Variants in DPYSL2 observed in about 807,000 individuals in gnomAD.
The protein encoded by DPYSL2 is dihydropyrimidinase-related protein 2.
In DPYSL2, 13 loss-of-function variants were observed where a neutral mutation model predicts 69.9. The observed-to-expected ratio is 0.19, with a 90% CI of 0.12 to 0.30. The LOEUF is 0.30. Ranked by LOEUF, DPYSL2 falls within the 10% of genes least tolerant of loss-of-function variation. The probability of loss-of-function intolerance (pLI) is 1.00; values close to 1 mark genes in which losing one functional copy is unlikely to be tolerated. For missense variants in DPYSL2, 587 were observed against 918.9 expected (o/e 0.64, Z 4.67); for synonymous variants, 326 against 359.1 (o/e 0.91, Z 1.04).
At chr8:26,630,079 G>C (rs1802729739) in intron 7 of DPYSL2, among the ~76,000 whole-genome samples, 1 of 152,236 alleles carries the variant, frequency 6.6e-6, no homozygotes, top group Non-Finnish European at 1.5e-5. Context: ...ACGCACATAT[G>C]TGTTGTACCC....
chr8:26,633,577 C>T (rs1321690038), intron 7 of DPYSL2, among the ~76,000 whole-genome samples: 10 of 152,200 alleles, frequency 6.6e-5, no homozygotes, highest in Non-Finnish European at 1.2e-4. Context: ...CAGCGATTCT[C>T]CTGCCTCAGC....
rs1802305964 is a variant in DPYSL2 at position 26,614,572 on chromosome 8, T to TA, written c.629-9568dup. Among the ~76,000 whole-genome samples, 1 of 152,168 alleles carries TA rather than the reference T, an allele frequency of 6.6e-6. No homozygotes were observed. Among genetic ancestry groups the TA allele is most frequent in the Non-Finnish European group, 1.5e-5 (1 of 68,022 alleles). ...AAAGTTGGCCGATCACCAGATCACTTAAAGGAGGTTGTTTGTTTTATAAGC... is the reference window on the plus strand; with the variant it reads ...AAAGTTGGCCGATCACCAGATCACTTAAAAGGAGGTTGTTTGTTTTATAAGC... On this transcript the variant is annotated intron_variant, in intron 3 of 13. Coordinates refer to ENST00000521913, the MANE Select transcript of DPYSL2 (RefSeq NM_001197293.3). This position sits in a 1 kb window ranked among gnomAD's most constrained non-coding sequence, Gnocchi z 4.9.
At position 26,627,182 on chromosome 8, in the gene DPYSL2, C is replaced by T. The variant is rs1257982957; in HGVS notation, c.856-33C>T. 4 of 1,601,012 alleles carry T rather than the reference C, an allele frequency of 2.5e-6. No individual in the cohort carries two copies. In the South Asian group the frequency reaches 3.3e-5, roughly 13 times the overall value. ...TTTGTGAACAGGAAGATGGAAGTCC[C>T]TGTCTCTGATCCCACCCTTGTCTCT... On this transcript the variant is annotated intron_variant, in intron 5 of 13. Transcript: ENST00000521913. This position sits in a 1 kb window ranked among gnomAD's most constrained non-coding sequence, Gnocchi z 6.9.
chr8:26,650,682 G>C lies in DPYSL2; in HGVS notation c.1597-1575G>C, dbSNP rs964663577. 4.3e-4 allele frequency among the ~76,000 whole-genome samples: 65 copies of C among 152,322 alleles called. No homozygotes were observed. The highest frequency in any genetic ancestry group is 1.5e-3 in the African/African-American group (63 of 41,580). ...GTCTCATAGGAGACTGGGCCACCAA[G>C]GGCCAGCGTGTGCTTATTATGGCAT... On this transcript the variant is annotated intron_variant, in intron 11 of 13. Transcript: ENST00000521913. The surrounding 1 kb of genome is among the most constrained non-coding windows in gnomAD (Gnocchi z 5.3).
At chr8:26,633,171 A>G (rs1217965051) in intron 7 of DPYSL2, among the ~76,000 whole-genome samples, 1 of 152,216 alleles carries the variant, frequency 6.6e-6, no homozygotes, top group African/African-American at 2.4e-5. Context: ...AACATTTTTG[A>G]GCACCTGCTG....
At chr8:26,518,656 C>G (rs1808333622) in intron 1 of DPYSL2, among the ~76,000 whole-genome samples, 1 of 152,124 alleles carries the variant, frequency 6.6e-6, no homozygotes, top group Non-Finnish European at 1.5e-5. Flanking sequence ...CTGTCTCTGC[C>G]AGCTTGACTA....
rs1803252090 is a variant in DPYSL2, at chr8:26,650,130, A to T, written c.1597-2127A>T. 6.6e-6 allele frequency among the ~76,000 whole-genome samples: 1 copy of T among 152,232 alleles called. No homozygotes were observed. The highest frequency in any genetic ancestry group is 6.5e-5 in the Admixed American group (1 of 15,278). ...TACTGTGAGCCAAATAGTGAGCTAGATGCTTTTGTTCATTTTATTTCATTT... is the reference window on the plus strand; with the variant it reads ...TACTGTGAGCCAAATAGTGAGCTAGTTGCTTTTGTTCATTTTATTTCATTT... On this transcript the variant is annotated intron_variant, in intron 11 of 13. Transcript: ENST00000521913. This position sits in a 1 kb window ranked among gnomAD's most constrained non-coding sequence, Gnocchi z 5.3.
Position 26,651,124 on chromosome 8 carries a change from C to T in DPYSL2, c.1597-1133C>T, listed in dbSNP as rs191666925. Among the ~76,000 whole-genome samples, 10 of 152,310 alleles carry T rather than the reference C, an allele frequency of 6.6e-5. No homozygotes were observed. The South Asian group carries it at 1.9e-3, about 28-fold the overall frequency. On this transcript the variant is annotated intron_variant, in intron 11 of 13. Coordinates refer to ENST00000521913, the MANE Select transcript of DPYSL2 (RefSeq NM_001197293.3). Reference sequence around the variant, plus strand: ...CAGAGTCCTCTTCCCTCCCTGCTGGCGCCTCTCTGCTATGGTTCCTTTGGT... The same window carrying T: ...CAGAGTCCTCTTCCCTCCCTGCTGGTGCCTCTCTGCTATGGTTCCTTTGGT...
rs940131706 is a variant in DPYSL2, at chr8:26,654,271, C to G, written c.1942+874C>G. ...GCTTGGGTAATTTGTGTGATATCCC[C>G]TTGGTGAGAGGAAAGGGTTCAGATT... On this transcript the variant is annotated intron_variant, in intron 13 of 13. Coordinates refer to ENST00000521913, the MANE Select transcript of DPYSL2 (RefSeq NM_001197293.3). This position sits in a 1 kb window ranked among gnomAD's most constrained non-coding sequence, Gnocchi z 5.0. Among the ~76,000 whole-genome samples the G allele has an allele frequency of 6.6e-6, 1 of 152,194 alleles. No homozygotes were observed. The highest frequency in any genetic ancestry group is 1.9e-4 in the East Asian group (1 of 5,202).
At chr8:26,615,588 G>C (rs1802327918) in intron 3 of DPYSL2, among the ~76,000 whole-genome samples, 1 of 152,110 alleles carries the variant, frequency 6.6e-6, no homozygotes, top group Non-Finnish European at 1.5e-5. Flanking sequence ...GTGATGTTTG[G>C]TCTGTCCTGT....
rs144019653 is a variant in DPYSL2, at chr8:26,644,327, A to G, written c.1425+236A>G. ...TTAAAACAATTTTTAAATTTTTTTCAGACAAGGTCTTGCTCTGTCACCAGG... is the reference window on the plus strand; with the variant it reads ...TTAAAACAATTTTTAAATTTTTTTCGGACAAGGTCTTGCTCTGTCACCAGG... On this transcript the variant is annotated intron_variant, in intron 10 of 13. Coordinates refer to ENST00000521913, the MANE Select transcript of DPYSL2 (RefSeq NM_001197293.3). This position sits in a 1 kb window ranked among gnomAD's most constrained non-coding sequence, Gnocchi z 4.5. Among the ~76,000 whole-genome samples, 86 of 152,268 alleles carry G rather than the reference A, an allele frequency of 5.6e-4. No homozygotes were observed. The highest frequency in any genetic ancestry group is 2.0e-3 in the African/African-American group (83 of 41,546).
At chr8:26,622,806 G>T (rs1015997319) in intron 3 of DPYSL2, among the ~76,000 whole-genome samples, 7 of 152,176 alleles carry the variant, frequency 4.6e-5, no homozygotes, top group Non-Finnish European at 1.0e-4. Context: ...TCCAAGCCCA[G>T]TTGATCAGAA....
chr8:26,623,346 A>G (rs949209286), intron 3 of DPYSL2, among the ~76,000 whole-genome samples: 3 of 152,202 alleles, frequency 2.0e-5, no homozygotes, highest in Admixed American at 6.5e-5. Flanking sequence ...GAGGATTTAA[A>G]TCAGGGAATG....
intron 1 of DPYSL2, among the ~76,000 whole-genome samples, chr8:26,536,969 A>C (rs940930196): frequency 6.6e-6 from 1 of 152,166 alleles, no homozygotes; most frequent in Non-Finnish European, 1.5e-5. Context: ...TAGGTGAGAA[A>C]ATGTCTACTG....
At chr8:26,573,691 CCT>C (rs1801277383) in intron 1 of DPYSL2, among the ~76,000 whole-genome samples, 1 of 132,264 alleles carries the variant, frequency 7.6e-6, no homozygotes. Context: ...AAAAAAATTA[CCT>C]GGGCGTGGTG....
chr8:26,545,407 A>T (rs1800750120), intron 1 of DPYSL2, among the ~76,000 whole-genome samples: 1 of 152,158 alleles, frequency 6.6e-6, no homozygotes, highest in Non-Finnish European at 1.5e-5. Context: ...CTCCAGAACA[A>T]CCATTGGCTC....
At chr8:26,628,739 C>T (rs11995227) in intron 7 of DPYSL2, among the ~76,000 whole-genome samples, 32,110 of 152,034 alleles carry the variant, frequency 0.21, 4,545 homozygotes, top group African/African-American at 0.39. Context: ...GGACTGGCGC[C>T]GAGCAGTGGG....
chr8:26,620,796 A>G lies in DPYSL2; in HGVS notation c.629-3347A>G, dbSNP rs1802463383. On this transcript the variant is annotated intron_variant, in intron 3 of 13. Coordinates refer to ENST00000521913, the MANE Select transcript of DPYSL2 (RefSeq NM_001197293.3). The surrounding 1 kb of genome is among the most constrained non-coding windows in gnomAD (Gnocchi z 4.5). ...TTGTTTTTTTAATCTTAAAGGAAAT[A>G]GATATGTTAAACCTATCAGGCTTCC... Among the ~76,000 whole-genome samples the G allele has an allele frequency of 2.0e-5, 3 of 152,212 alleles. No individual in the cohort carries two copies. Among genetic ancestry groups the G allele is most frequent in the African/African-American group, 7.2e-5 (3 of 41,454 alleles).
intron 1 of DPYSL2, among the ~76,000 whole-genome samples, chr8:26,522,290 C>T (rs913274283): frequency 9.4e-5 from 14 of 149,370 alleles, no homozygotes; most frequent in Admixed American, 5.5e-4. Flanking sequence ...CCTGGGCAAC[C>T]GAGTGAGACT....
Sources: gnomAD v4.1 joint callset for allele counts (sites outside exome capture counted in the v4.1 genomes callset) on GRCh38, gnomAD v4.1.1 for gene constraint, Gnocchi (gnomAD v3.1) non-coding constraint, MANE v1.5 for transcripts, NCBI Gene and HGNC (gene_info 2026-07-23, HGNC 2026-07-21) for gene names.